REST: variants seen among roughly 807,000 people sequenced by gnomAD.
REST encodes RE1 silencing transcription factor.
In REST, 1 loss-of-function variant was observed where a neutral mutation model predicts 30.4. That is an observed-to-expected ratio of 0.03 (90% CI 0.01 to 0.16). REST has a LOEUF of 0.16. Among genes scored for constraint, REST ranks in the 10% least tolerant of loss-of-function variants. The probability of loss-of-function intolerance (pLI) is 1.00; values close to 1 mark genes in which losing one functional copy is unlikely to be tolerated. For synonymous variants in REST, 504 were observed against 451.1 expected, an observed-to-expected ratio of 1.12 and a Z score of -1.49; for missense variants, 1,259 against 1,329.5, an observed-to-expected ratio of 0.95 and a Z score of 0.82.
chr4:56,910,896 T>C lies in REST; in HGVS notation c.258T>C (p.Asp86=), dbSNP rs775123471. ...LMPVGDNNFS[D]SEEGEGLEES... ...CGGTTGGGGATAACAACTTTTCAGA[T>C]AGTGAAGAAGGAGAAGGACTTGAAG... The change falls in exon 2 of 4, where the codon GAT becomes GAC. Residue 86 remains aspartate, a synonymous_variant. Transcript: ENST00000309042. 1.2e-6 allele frequency: 2 copies of C among 1,614,110 alleles called. No homozygotes were observed. Among genetic ancestry groups the C allele is most frequent in the Middle Eastern group, 1.6e-4 (1 of 6,062 alleles).
At position 56,930,642 on chromosome 4, in the gene REST, C is replaced by T. The variant is rs1008600489; in HGVS notation, c.1784C>T (p.Pro595Leu). 6.2e-6 allele frequency: 10 copies of T among 1,613,512 alleles called. No individual in the cohort carries two copies. The highest frequency in any genetic ancestry group is 1.6e-4 in the Middle Eastern group (1 of 6,062). The part of the protein sequence containing the change: ...KNKSSKKSSK[P>L]PQKEPVEKGS... ...AAATCAAGTAAGAAAAGCAGTAAGC[C>T]TCCTCAGAAGGAACCTGTTGAGAAG... The change falls in exon 4 of 4, where the codon CCT (proline) becomes CTT (leucine). Residue 595 changes from proline (P) to leucine (L), a missense_variant. Physicochemically the swap from Pro to Leu is moderately conservative, Grantham distance 98. This residue lies in a region of REST where 856 missense variants were observed against 772.8 expected (regional missense o/e 1.11). Transcript: ENST00000309042.
Position 56,933,904 on chromosome 4 carries a change from G to A in REST, c.*1752G>A, listed in dbSNP as rs1295884592. 6.6e-6 allele frequency: 1 copy of A among 152,178 alleles called. No homozygotes were observed. Among genetic ancestry groups the A allele is most frequent in the Non-Finnish European group, 1.5e-5 (1 of 68,032 alleles). 9.4% of individuals were successfully genotyped at this position (152,178 alleles called of 1,614,324 possible). On this transcript the variant is annotated 3_prime_UTR_variant, in exon 4 of 4. Transcript: ENST00000309042. ...TTTGAGGCAGGTTTCAGATTTGGCA[G>A]TACAACATGAAAGATTAGGAAAAGC...
At chr4:56,926,527 T>C (rs1720719170) in intron 3 of REST, among the ~76,000 whole-genome samples, 2 of 151,640 alleles carry the variant, frequency 1.3e-5, no homozygotes, top group African/African-American at 4.8e-5. Context: ...TAGGCACGCA[T>C]CACCACGCCT....
chr4:56,923,724 C>T (rs1378687209), intron 3 of REST, among the ~76,000 whole-genome samples: 3 of 150,008 alleles, frequency 2.0e-5, no homozygotes, highest in Non-Finnish European at 4.4e-5. Flanking sequence ...ATTTAAATAT[C>T]GTATTTATTT....
In REST at chr4:56,910,865, T is replaced by A. The variant is rs1221861537; in HGVS notation, c.227T>A (p.Leu76Gln). 6.2e-7 allele frequency: 1 copy of A among 1,614,082 alleles called. No individual in the cohort carries two copies. The highest frequency in any genetic ancestry group is 8.5e-7 in the Non-Finnish European group (1 of 1,180,040). Residue 76 changes from leucine (L) to glutamine (Q), a missense_variant, in exon 2 of 4, where the codon CTG (leucine) becomes CAG (glutamine). Leu to Gln is a moderately radical substitution (Grantham distance 113, BLOSUM62 -2). Around this residue, in one of 5 missense-constraint regions of REST, gnomAD observed 249 missense variants for 251.5 expected, o/e 0.99. Transcript: ENST00000309042. The stretch of plus-strand genomic sequence containing the variant: ...GGTGAAGAAAGACAGATGGCAGAAC[T>A]GATGCCGGTTGGGGATAACAACTTT... The part of the protein sequence containing the change: ...LVGEERQMAE[L>Q]MPVGDNNFSD...
Position 56,929,833 on chromosome 4 carries a change from G to A in REST, c.983-8G>A. ...ATGTCTTCTCTCATACTTTTGATTT[G>A]CCTTCAGGTGAGAAGCCATTTAAAT... is the stretch of plus-strand genomic sequence containing the variant. On this transcript the variant is annotated splice_region_variant and splice_polypyrimidine_tract_variant and intron_variant, in intron 3 of 3. Coordinates refer to ENST00000309042, the MANE Select transcript of REST (RefSeq NM_005612.5). 1.3e-6 allele frequency: 2 copies of A among 1,578,178 alleles called. No individual in the cohort carries two copies. The highest frequency in any genetic ancestry group is 1.2e-5 in the South Asian group (1 of 85,764).
At chr4:56,908,927 C>G (rs909377944) in intron 1 of REST, 6 of 151,526 alleles carry the variant, frequency 4.0e-5, no homozygotes, top group African/African-American at 9.7e-5. Context: ...GCTCGGAGCC[C>G]GACGCCTCGC....
intron 1 of REST, among the ~76,000 whole-genome samples, chr4:56,909,858 AG>A (rs1271414028): frequency 6.6e-6 from 1 of 152,184 alleles, no homozygotes; most frequent in Non-Finnish European, 1.5e-5. Context: ...TGTCGAGTTG[AG>A]TTGCACGATG....
At chr4:56,914,014 C>T (rs1356525555) in intron 2 of REST, among the ~76,000 whole-genome samples, 1 of 151,752 alleles carries the variant, frequency 6.6e-6, no homozygotes, top group Non-Finnish European at 1.5e-5. Flanking sequence ...CTGCTCACTG[C>T]AGCCTTGACC....
chr4:56,925,500 C>T (rs1387889957), intron 3 of REST, among the ~76,000 whole-genome samples: 2 of 152,140 alleles, frequency 1.3e-5, no homozygotes, highest in Non-Finnish European at 2.9e-5. Flanking sequence ...GGGTGTGAAC[C>T]ACTATGCCTG....
chr4:56,912,804 C>A lies in REST; in HGVS notation c.898+1268C>A, dbSNP rs368488154. Among the ~76,000 whole-genome samples the A allele has an allele frequency of 1.1e-4, 16 of 151,610 alleles. 1 individual carries two copies. Among genetic ancestry groups the A allele is most frequent in the African/African-American group, 3.6e-4 (15 of 41,318 alleles). On this transcript the variant is annotated intron_variant, in intron 2 of 3. Coordinates refer to ENST00000309042, the MANE Select transcript of REST (RefSeq NM_005612.5). ...TGGGATTACAGGCGTGAGTGCCACC[C>A]CTGGCTAATTTTTGTATTTTTAGTA...
At chr4:56,908,952 AGCCT>A (rs1232727277) in intron 1 of REST, 1 of 150,886 alleles carries the variant, frequency 6.6e-6, no homozygotes, top group African/African-American at 2.4e-5. Flanking sequence ...GCGCCCGCGG[AGCCT>A]CCCCGGCCCT....
rs1017241679 is a variant in REST, at chr4:56,933,022, T to A, written c.*870T>A. On this transcript the variant is annotated 3_prime_UTR_variant, in exon 4 of 4. Transcript: ENST00000309042. ...TGCAAGTTTGTGAGCAAATGAAATA[T>A]GCAGGTTCAATCTATTGATTTTGAT... The A allele has an allele frequency of 1.3e-5, 2 of 152,286 alleles. No individual in the cohort carries two copies. The highest frequency in any genetic ancestry group is 4.1e-4 in the South Asian group (2 of 4,832). The allele number at this position is 152,286 out of a possible 1,614,324, so 9.4% of individuals were successfully genotyped here.
chr4:56,927,264 C>A (rs115180198), intron 3 of REST, among the ~76,000 whole-genome samples: 1 of 152,120 alleles, frequency 6.6e-6, no homozygotes, highest in Admixed American at 6.6e-5. Context: ...TCTATGTCCA[C>A]GTATGTTAAA....
chr4:56,919,741 C>A, intron 2 of REST, 46 bp from the exon 3 acceptor site: 2 of 1,146,720 alleles, frequency 1.7e-6, no homozygotes, highest in Non-Finnish European at 1.3e-6. Flanking sequence ...TTGTATTTGG[C>A]TATTTCGTGA....
chr4:56,928,770 G>A (rs1720822525), intron 3 of REST, among the ~76,000 whole-genome samples: 1 of 151,538 alleles, frequency 6.6e-6, no homozygotes, highest in Non-Finnish European at 1.5e-5. Context: ...TATATTTTTA[G>A]TAGAGATGGG....
At chr4:56,924,567 G>A (rs1038799867) in intron 3 of REST, among the ~76,000 whole-genome samples, 1 of 151,764 alleles carries the variant, frequency 6.6e-6, no homozygotes, top group Non-Finnish European at 1.5e-5. Context: ...AGGCAGTCCT[G>A]CCACCTTAAC....
intron 3 of REST, among the ~76,000 whole-genome samples, chr4:56,926,903 C>A (rs1381018084): frequency 6.6e-6 from 1 of 151,786 alleles, no homozygotes; most frequent in African/African-American, 2.4e-5. Flanking sequence ...TCGAGACCAG[C>A]CTGATCAACA....
chr4:56,909,389 A>C (rs1211299367), intron 1 of REST: 1 of 152,384 alleles, frequency 6.6e-6, no homozygotes, highest in East Asian at 1.9e-4. Flanking sequence ...GAATTCGTGC[A>C]GCACGTTGGG....
Sources: allele counts gnomAD v4.1 joint callset (sites outside exome capture counted in the v4.1 genomes callset), GRCh38; gene constraint gnomAD v4.1.1; regional missense constraint gnomAD v4.1.1; transcripts MANE v1.5; gene names NCBI Gene and HGNC (gene_info 2026-07-23, HGNC 2026-07-21).